The following MELTF variants were observed in gnomAD, a reference collection of about 807,000 sequenced individuals.
MELTF encodes antigen p97 (melanoma associated) identified by monoclonal antibodies 133.2 and 96.5.
A neutral mutation model predicts 83.7 loss-of-function variants in MELTF; 67 were observed. That is an observed-to-expected ratio of 0.80 (90% CI 0.66 to 0.98). The LOEUF is 0.98. MELTF is among the 50% of genes least tolerant of loss of function. The pLI is 0.00. For missense variants in MELTF, 1,002 were observed against 1,035.6 expected (o/e 0.97, Z 0.44); for synonymous variants, 462 against 447.6 (o/e 1.03, Z -0.41).
rs145583769 is a variant in MELTF, at chr3:197,010,713, C to T, written c.1315G>A (p.Gly439Arg). 1.8e-4 allele frequency: 284 copies of T among 1,613,054 alleles called. No homozygotes were observed. The highest frequency in any genetic ancestry group is 2.2e-4 in the Non-Finnish European group (257 of 1,179,870). ...CTGCACTCACGGGCATAGTGCTCCC[C>T]GGCTGCGGGAACCAGGCCGTACGTC... The part of the protein sequence containing the change: ...GKTYGLVPAA[G>R]EHYAPEDSSN... The change falls in exon 10 of 16, where the codon GGG becomes AGG. Residue 439 changes from glycine to arginine, a missense_variant. Coordinates refer to ENST00000296350, the MANE Select transcript of MELTF (RefSeq NM_005929.6).
At position 197,003,777 on chromosome 3, in the gene MELTF, T is replaced by G. The variant is rs1010248780; in HGVS notation, c.2137+124A>C. On this transcript the variant is annotated intron_variant, in intron 15 of 15. Coordinates refer to ENST00000296350, the MANE Select transcript of MELTF (RefSeq NM_005929.6). This position sits in a 1 kb window ranked among gnomAD's most constrained non-coding sequence, Gnocchi z 6.2. ...CAAAATCCTCCCGGGACACCCCACC[T>G]GGACTGCTGCGAACGGGCCTCCACC... is the stretch of plus-strand genomic sequence containing the variant. 1.1e-5 allele frequency: 10 copies of G among 895,830 alleles called. No individual in the cohort carries two copies. In the African/African-American group the frequency reaches 1.6e-4, roughly 14 times the overall value. The allele number at this position is 895,830 out of a possible 1,614,324, so 55.5% of individuals were successfully genotyped here.
Position 197,008,858 on chromosome 3 carries a change from A to G in MELTF, c.1633T>C (p.Cys545Arg). The G allele has an allele frequency of 1.2e-6, 2 of 1,613,806 alleles. No homozygotes were observed. Among genetic ancestry groups the G allele is most frequent in the Admixed American group, 1.7e-5 (1 of 59,998 alleles). Residue 545 changes from cysteine to arginine, a missense_variant, in exon 12 of 16, where the codon TGT (cysteine) becomes CGT (arginine). Coordinates refer to ENST00000296350, the MANE Select transcript of MELTF (RefSeq NM_005929.6). This position sits in a 1 kb window ranked among gnomAD's most constrained non-coding sequence, Gnocchi z 5.4. ...CVGDEQGRNKCVGNSQERYYG... is the reference protein window; with the variant it reads ...CVGDEQGRNKRVGNSQERYYG... Reference sequence around the variant, plus strand: ...TACCGCTCCTGGCTGTTGCCCACACACTTGTTGCGGCCCTGCTCGTCCCCC... The same window carrying G: ...TACCGCTCCTGGCTGTTGCCCACACGCTTGTTGCGGCCCTGCTCGTCCCCC...
rs1053317062 is a variant in MELTF, at chr3:197,017,497, C to G, written c.713-207G>C. ...CGTTACTCTCATTTTCTAGCTCTCA[C>G]CAATTTCTATTGCTAAAGTGAATTG... On this transcript the variant is annotated intron_variant, in intron 6 of 15. Coordinates refer to ENST00000296350, the MANE Select transcript of MELTF (RefSeq NM_005929.6). Among the ~76,000 whole-genome samples, 3 of 152,186 alleles carry G rather than the reference C, an allele frequency of 2.0e-5. No homozygotes were observed. In the East Asian group the frequency reaches 5.8e-4, roughly 29 times the overall value.
chr3:197,019,205 G>GT (rs2148587481), intron 6 of MELTF: 1 of 1,003,156 alleles, frequency 1.0e-6, no homozygotes, highest in East Asian at 9.7e-5. Context: ...CAACTTTCCT[G>GT]TTTTTCGGCG....
chr3:197,016,051 G>C, intron 8 of MELTF, 138 bp downstream of exon 8: 2 of 714,878 alleles, frequency 2.8e-6, no homozygotes, highest in Non-Finnish European at 4.3e-6. Context: ...AGCCCCAGGG[G>C]CAGAGGAATG....
At chr3:197,023,676 G>A (rs1452687677) in intron 4 of MELTF, among the ~76,000 whole-genome samples, 2 of 151,978 alleles carry the variant, frequency 1.3e-5, no homozygotes, top group Non-Finnish European at 2.9e-5. Context: ...GTCGGGCCAC[G>A]CTCATCGCCA....
intron 2 of MELTF, 24 bp downstream of exon 2, chr3:197,027,732 C>A (rs749463556): frequency 1.3e-6 from 2 of 1,589,102 alleles, no homozygotes; most frequent in Middle Eastern, 2.0e-4. Flanking sequence ...TCTTGTCTGG[C>A]AGGGTGGAAG....
chr3:197,004,222 C>T (rs1414640693), intron 14 of MELTF, 123 bp from the exon 15 acceptor site: 11 of 899,092 alleles, frequency 1.2e-5, no homozygotes, highest in Admixed American at 3.7e-5. Flanking sequence ...TTTCAGGGCC[C>T]CACCACTCTG....
chr3:197,023,144 C>A (rs766019326), intron 4 of MELTF, 31 bp from the exon 5 acceptor site: 1 of 1,612,128 alleles, frequency 6.2e-7, no homozygotes, highest in Admixed American at 1.7e-5. Context: ...GGTCACTCAG[C>A]AGAACTTTCT....
Position 197,006,625 on chromosome 3 carries a change from T to C in MELTF, c.1862A>G (p.Gln621Arg). Reference sequence around the variant, plus strand: ...GACCATCACGGCGTGGGGTGGTATCTGTGCCAGGTTGCAGGCTGCAAACTG... The same window carrying C: ...GACCATCACGGCGTGGGGTGGTATCCGTGCCAGGTTGCAGGCTGCAAACTG... ...VSQFAACNLA[Q>R]IPPHAVMVRP... Residue 621 changes from glutamine (Q) to arginine (R), a missense_variant, in exon 14 of 16, where the codon CAG (glutamine) becomes CGG (arginine). Coordinates refer to ENST00000296350, the MANE Select transcript of MELTF (RefSeq NM_005929.6). This position sits in a 1 kb window ranked among gnomAD's most constrained non-coding sequence, Gnocchi z 5.4. 1.9e-6 allele frequency: 3 copies of C among 1,612,906 alleles called. No individual in the cohort carries two copies. The highest frequency in any genetic ancestry group is 2.5e-6 in the Non-Finnish European group (3 of 1,179,402).
chr3:197,016,601 T>C (rs1719387394), intron 7 of MELTF, among the ~76,000 whole-genome samples: 1 of 152,126 alleles, frequency 6.6e-6, no homozygotes. Flanking sequence ...CACACTCAGC[T>C]GTTTGGACAC....
chr3:197,023,226 C>T lies in MELTF; in HGVS notation c.488-113G>A, dbSNP rs993245808. 10 of 1,082,904 alleles carry T rather than the reference C, an allele frequency of 9.2e-6. No individual in the cohort carries two copies. The African/African-American group carries it at 1.3e-4, about 14-fold the overall frequency. 67.1% of individuals were successfully genotyped at this position (1,082,904 alleles called of 1,614,324 possible). The stretch of plus-strand genomic sequence containing the variant: ...CATCTGGACTCTGCTGAGAATGGTT[C>T]CACCTTCCAGCTTCAGTCTGAGCAA... On this transcript the variant is annotated intron_variant, in intron 4 of 15. Transcript: ENST00000296350.
At position 197,029,739 on chromosome 3, in the gene MELTF, G is replaced by A; in HGVS notation, c.-37C>T. Reference sequence around the variant, plus strand: ...GGCTGGCTGGGGCCGGGCTGGGGCTGGGTCCGGGTCCGAGGAGGTCCGCAG... The same window carrying A: ...GGCTGGCTGGGGCCGGGCTGGGGCTAGGTCCGGGTCCGAGGAGGTCCGCAG... On this transcript the variant is annotated 5_prime_UTR_variant, in exon 1 of 16. Transcript: ENST00000296350. The surrounding 1 kb of genome is among the most constrained non-coding windows in gnomAD (Gnocchi z 6.5). 1 of 1,220,688 alleles carries A rather than the reference G, an allele frequency of 8.2e-7. No homozygotes were observed. Among genetic ancestry groups the A allele is most frequent in the Non-Finnish European group, 1.0e-6 (1 of 978,754 alleles). 75.6% of individuals were successfully genotyped at this position (1,220,688 alleles called of 1,614,324 possible).
chr3:197,009,029 G>A (rs985165017), intron 11 of MELTF, 64 bp from the exon 12 acceptor site: 54 of 1,588,880 alleles, frequency 3.4e-5, no homozygotes, highest in Non-Finnish European at 4.1e-5. Context: ...GGAGCTGGGC[G>A]GGCCGCTCCC....
At chr3:197,021,510 C>T (rs1156615880) in intron 5 of MELTF, 39 bp from the exon 6 acceptor site, 2 of 1,586,516 alleles carry the variant, frequency 1.3e-6, no homozygotes, top group Non-Finnish European at 1.7e-6. Flanking sequence ...GGGCTGAGCC[C>T]CTGCCCCTGC....
At chr3:197,021,301 G>A (rs1347700982) in intron 6 of MELTF, 103 bp downstream of exon 6, 11 of 1,069,704 alleles carry the variant, frequency 1.0e-5, no homozygotes, top group Non-Finnish European at 1.5e-5. Flanking sequence ...GAGCAGCACT[G>A]CACTAGGGCG....
chr3:197,020,446 A>G (rs896121504), intron 6 of MELTF, among the ~76,000 whole-genome samples: 2 of 152,102 alleles, frequency 1.3e-5, no homozygotes, highest in African/African-American at 4.8e-5. Context: ...TTCAAGGGGT[A>G]TGACATAGGC....
rs1371574854 is a variant in MELTF, at chr3:197,008,946, A to G, written c.1545T>C (p.Asn515=). 4 of 1,613,994 alleles carry G rather than the reference A, an allele frequency of 2.5e-6. No individual in the cohort carries two copies. The highest frequency in any genetic ancestry group is 2.2e-5 in the East Asian group (1 of 44,876). Residue 515 remains asparagine (N), a synonymous_variant, in exon 12 of 16, where the codon AAT becomes AAC. Transcript: ENST00000296350. This position sits in a 1 kb window ranked among gnomAD's most constrained non-coding sequence, Gnocchi z 5.4. The part of the protein sequence containing the change: ...DVLTAVSEFF[N]ASCVPVNNPK... ...GGTTGTTCACGGGCACGCAGCTGGC[A>G]TTGAAGAACTCGCTCACTGCTGGGG...
Position 197,007,787 on chromosome 3 carries a change from CTG to C in MELTF, c.1750+868_1750+869del, listed in dbSNP as rs1243771989. On this transcript the variant is annotated intron_variant, in intron 13 of 15. Coordinates refer to ENST00000296350, the MANE Select transcript of MELTF (RefSeq NM_005929.6). The surrounding 1 kb of genome is among the most constrained non-coding windows in gnomAD (Gnocchi z 4.3). ...CAAGATCCAAGTTTTGAAACACTAA[CTG>C]AGGTTTTCGTTTTTTTCCCTGCACG... Among the ~76,000 whole-genome samples, 4 of 152,240 alleles carry C rather than the reference CTG, an allele frequency of 2.6e-5. No individual in the cohort carries two copies. The highest frequency in any genetic ancestry group is 5.9e-5 in the Non-Finnish European group (4 of 68,042).
Sources: allele counts gnomAD v4.1 joint callset (sites outside exome capture counted in the v4.1 genomes callset), GRCh38; gene constraint gnomAD v4.1.1; non-coding constraint Gnocchi (gnomAD v3.1); transcripts MANE v1.5; gene names NCBI Gene and HGNC (gene_info 2026-07-23, HGNC 2026-07-21).